Variants in CLIP4 observed in about 807,000 individuals in gnomAD.
CLIP4 encodes CAP-Gly domain-containing linker protein 4.
Under a neutral mutation model 73.1 loss-of-function variants are expected in CLIP4, and 47 were observed. The observed-to-expected ratio is 0.64, with a 90% CI of 0.51 to 0.82. The LOEUF (loss-of-function observed/expected upper bound fraction) is 0.82, where lower values mean the gene tolerates loss of function less well. CLIP4 is among the 40% of genes least tolerant of loss of function. The pLI is 0.00. For synonymous variants in CLIP4, 306 were observed against 295.4 expected, an observed-to-expected ratio of 1.04 and a Z score of -0.37; for missense variants, 874 against 852.9, an observed-to-expected ratio of 1.02 and a Z score of -0.31.
chr2:29,120,347 A>G (rs536477926), intron 1 of CLIP4, among the ~76,000 whole-genome samples: 60 of 152,318 alleles, frequency 3.9e-4, no homozygotes, highest in African/African-American at 1.3e-3. Context: ...AGTGAGCTCA[A>G]TGAAATGACT....
intron 1 of CLIP4, among the ~76,000 whole-genome samples, chr2:29,098,102 T>C (rs1445542084): frequency 6.6e-6 from 1 of 152,232 alleles, no homozygotes; most frequent in Non-Finnish European, 1.5e-5. Context: ...GAGGCAACTT[T>C]GACATATTTT....
In CLIP4 at chr2:29,169,329, CTGTGTGTGTGTGTGTGTGTGTG is replaced by C. The variant is rs70958249; in HGVS notation, c.1723+1815_1723+1836del. Among the ~76,000 whole-genome samples the C allele has an allele frequency of 3.5e-4, 49 of 140,426 alleles. No individual in the cohort carries two copies. The South Asian group carries it at 4.7e-3, about 13-fold the overall frequency. 92.1% of individuals were successfully genotyped at this position (140,426 alleles called of 152,430 possible). ...TGGTGTTTTCATGCGGTCTTTTTCA[CTGTGTGTGTGTGTGTGTGTGTG>C]TGTGTGTGTGTGTGTGTGTGTGTGT... On this transcript the variant is annotated intron_variant, in intron 14 of 15. Transcript: ENST00000320081.
chr2:29,155,399 AGT>A (rs1424008072), intron 9 of CLIP4, among the ~76,000 whole-genome samples: 1 of 56,162 alleles, frequency 1.8e-5, no homozygotes, highest in Non-Finnish European at 4.4e-5. Flanking sequence ...GATACACCCA[AGT>A]GTATACACAC....
intron 1 of CLIP4, among the ~76,000 whole-genome samples, chr2:29,104,546 C>T (rs1668145618): frequency 6.6e-6 from 1 of 152,054 alleles, no homozygotes; most frequent in South Asian, 2.1e-4. Context: ...CTCGGCCTCC[C>T]AAAGTGCTGG....
At chr2:29,175,810 G>A (rs935742530) in intron 15 of CLIP4, among the ~76,000 whole-genome samples, 4 of 152,004 alleles carry the variant, frequency 2.6e-5, no homozygotes, top group Non-Finnish European at 4.4e-5. Context: ...CACCCAGGCT[G>A]GAGTGCAGTG....
intron 2 of CLIP4, 69 bp downstream of exon 2, chr2:29,121,590 A>G: frequency 6.5e-7 from 1 of 1,533,488 alleles, no homozygotes; most frequent in South Asian, 1.2e-5. Context: ...CCTTTTTTGC[A>G]CTCATAGTCT....
intron 10 of CLIP4, among the ~76,000 whole-genome samples, 178 bp from the exon 11 acceptor site, chr2:29,157,021 TATAAA>T (rs1216972399): frequency 1.3e-5 from 2 of 152,224 alleles, no homozygotes; most frequent in African/African-American, 4.8e-5. Context: ...TTGCTTGTGT[TATAAA>T]ATCTTTTATA....
chr2:29,127,163 G>A (rs1199687076), intron 2 of CLIP4, among the ~76,000 whole-genome samples: 1 of 152,016 alleles, frequency 6.6e-6, no homozygotes, highest in Non-Finnish European at 1.5e-5. Context: ...TCCAGTCAGA[G>A]GTTTGATAAT....
intron 15 of CLIP4, among the ~76,000 whole-genome samples, chr2:29,176,548 G>T (rs114642933): frequency 6.6e-6 from 1 of 152,160 alleles, no homozygotes; most frequent in African/African-American, 2.4e-5. Flanking sequence ...AGTGAGGAAT[G>T]CGTTTCATCC....
chr2:29,139,779 TAG>T (rs1438156422), intron 6 of CLIP4, among the ~76,000 whole-genome samples: 3 of 152,172 alleles, frequency 2.0e-5, no homozygotes, highest in African/African-American at 7.2e-5. Context: ...TTTATGTGAA[TAG>T]AGGTATTCAC....
chr2:29,156,471 CA>C, intron 10 of CLIP4, 28 bp downstream of exon 10: 1 of 1,452,398 alleles, frequency 6.9e-7, no homozygotes, highest in Admixed American at 2.4e-5. Flanking sequence ...CTCTGTTTCT[CA>C]AAATTTAACT....
At chr2:29,119,376 C>T (rs545304831) in intron 1 of CLIP4, among the ~76,000 whole-genome samples, 1 of 152,120 alleles carries the variant, frequency 6.6e-6, no homozygotes, top group East Asian at 1.9e-4. Context: ...GAAAGGTGCT[C>T]TGGGGATCAC....
At chr2:29,167,627 AAG>A (rs1667711893) in intron 14 of CLIP4, 87 bp downstream of exon 14, 1 of 910,494 alleles carries the variant, frequency 1.1e-6, no homozygotes, top group African/African-American at 1.7e-5. Context: ...TTGTATACAA[AAG>A]GGTCTATAAA....
intron 12 of CLIP4, among the ~76,000 whole-genome samples, chr2:29,161,711 A>C (rs1667303177): frequency 1.3e-5 from 2 of 152,306 alleles, no homozygotes; most frequent in Middle Eastern, 6.8e-3. Flanking sequence ...TTTTTGTTCC[A>C]GGAGAGGACC....
chr2:29,155,932 T>C (rs1378288367), intron 9 of CLIP4, among the ~76,000 whole-genome samples: 1 of 152,270 alleles, frequency 6.6e-6, no homozygotes, highest in Non-Finnish European at 1.5e-5. Flanking sequence ...AGTGTTACTG[T>C]GACCTGTCTG....
chr2:29,179,862 A>G (rs1558592071), intron 15 of CLIP4, among the ~76,000 whole-genome samples: 1 of 152,194 alleles, frequency 6.6e-6, no homozygotes. Flanking sequence ...TGCATTTGAC[A>G]TGTAAATAAT....
Position 29,167,677 on chromosome 2 carries a change from TC to T in CLIP4, c.1723+138del, listed in dbSNP as rs1447663089. The T allele has an allele frequency of 4.2e-5, 23 of 550,408 alleles. No individual in the cohort carries two copies. In the East Asian group the frequency reaches 7.7e-4, roughly 19 times the overall value. 34.1% of individuals were successfully genotyped at this position (550,408 alleles called of 1,614,324 possible). On this transcript the variant is annotated intron_variant, in intron 14 of 15. Transcript: ENST00000320081. ...AGTTTTTGTAATAATAGAACAAACA[TC>T]TGTTACCTGTCCCCTGGCTGAAGAA...
chr2:29,118,813 C>T (rs1664055575), intron 1 of CLIP4, among the ~76,000 whole-genome samples: 1 of 152,078 alleles, frequency 6.6e-6, no homozygotes, highest in Non-Finnish European at 1.5e-5. Flanking sequence ...AGCCACCATG[C>T]CTGGCAGGGC....
intron 1 of CLIP4, among the ~76,000 whole-genome samples, chr2:29,104,837 A>T (rs180925519): frequency 6.6e-6 from 1 of 152,320 alleles, no homozygotes; most frequent in Non-Finnish European, 1.5e-5. Flanking sequence ...CTTGAGAGGC[A>T]TCCTGCTGTG....
Sources: gnomAD v4.1 joint callset for allele counts (sites outside exome capture counted in the v4.1 genomes callset) on GRCh38, gnomAD v4.1.1 for gene constraint, MANE v1.5 for transcripts, NCBI Gene and HGNC (gene_info 2026-07-23, HGNC 2026-07-21) for gene names.